Variants in PCOLCE2 observed in about 807,000 individuals in gnomAD.
The protein encoded by PCOLCE2 is procollagen C-proteinase enhancer 2.
In PCOLCE2, 42 loss-of-function variants were observed where a neutral mutation model predicts 47.0. The observed-to-expected ratio is 0.89, with a 90% CI of 0.70 to 1.16. PCOLCE2 has a LOEUF of 1.16. Ranked by LOEUF, PCOLCE2 falls within the 50% of genes most tolerant of loss-of-function variation. The pLI, the probability that PCOLCE2 is intolerant of heterozygous loss-of-function variation, is 0.00. For synonymous variants in PCOLCE2, 169 were observed against 191.7 expected (o/e 0.88, Z 0.98); for missense variants, 500 against 526.1 (o/e 0.95, Z 0.49).
chr3:142,872,434 C>T (rs1288351146), intron 2 of PCOLCE2, among the ~76,000 whole-genome samples: 1 of 152,134 alleles, frequency 6.6e-6, no homozygotes, highest in Non-Finnish European at 1.5e-5. Flanking sequence ...TCTACAACCT[C>T]CTGCTTGTTC....
intron 2 of PCOLCE2, among the ~76,000 whole-genome samples, chr3:142,871,828 A>T (rs976265003): frequency 6.6e-6 from 1 of 152,196 alleles, no homozygotes; most frequent in Non-Finnish European, 1.5e-5. Context: ...ACACATATGT[A>T]CTTGTATTAA....
chr3:142,861,165 T>C (rs1933175813), intron 2 of PCOLCE2, among the ~76,000 whole-genome samples: 1 of 152,254 alleles, frequency 6.6e-6, no homozygotes, highest in Non-Finnish European at 1.5e-5. Context: ...AAGGCTTTGC[T>C]CCACTGCCTT....
At chr3:142,885,374 T>C (rs1933702366) in intron 2 of PCOLCE2, among the ~76,000 whole-genome samples, 1 of 152,208 alleles carries the variant, frequency 6.6e-6, no homozygotes, top group Non-Finnish European at 1.5e-5. Context: ...CTGTGATATT[T>C]TAATAAAAGT....
At chr3:142,869,368 C>G (rs1933340723) in intron 2 of PCOLCE2, among the ~76,000 whole-genome samples, 1 of 151,866 alleles carries the variant, frequency 6.6e-6, no homozygotes, top group Non-Finnish European at 1.5e-5. Flanking sequence ...ATCAACATGA[C>G]AGATAACAGG....
intron 2 of PCOLCE2, among the ~76,000 whole-genome samples, chr3:142,883,522 T>A (rs1021800818): frequency 2.0e-5 from 3 of 151,692 alleles, no homozygotes; most frequent in South Asian, 4.2e-4. Context: ...CAGGCTCAAG[T>A]GATTCCTCTG....
intron 2 of PCOLCE2, among the ~76,000 whole-genome samples, chr3:142,853,714 G>T (rs984483406): frequency 4.6e-5 from 7 of 152,222 alleles, no homozygotes; most frequent in African/African-American, 1.4e-4. Context: ...TATCTTTTTG[G>T]AAACTTTATA....
At position 142,868,202 on chromosome 3, in the gene PCOLCE2, G is replaced by C. The variant is rs919282169; in HGVS notation, c.192+19467C>G. On this transcript the variant is annotated intron_variant, in intron 2 of 8. Coordinates refer to ENST00000295992, the MANE Select transcript of PCOLCE2 (RefSeq NM_013363.4). ...TAACTGTGGCTTCTGCTCTCAAGGA[G>C]AGCACTGTCTAGGACAGTGTTTCTC... Among the ~76,000 whole-genome samples, 22 of 152,250 alleles carry C rather than the reference G, an allele frequency of 1.4e-4. No homozygotes were observed. The South Asian group carries it at 2.9e-3, about 20-fold the overall frequency.
At position 142,882,198 on chromosome 3, in the gene PCOLCE2, T is replaced by TA. The variant is rs1431009205; in HGVS notation, c.192+5470_192+5471insT. 9.6e-5 allele frequency among the ~76,000 whole-genome samples: 11 copies of TA among 115,174 alleles called. 1 individual carries two copies. Among genetic ancestry groups the TA allele is most frequent in the Middle Eastern group, 4.2e-3 (1 of 238 alleles). 75.6% of individuals were successfully genotyped at this position (115,174 alleles called of 152,430 possible). A position where few individuals can be genotyped will look rare whatever the true frequency, so the allele number is the denominator to read the frequency against. On this transcript the variant is annotated intron_variant, in intron 2 of 8. Transcript: ENST00000295992. Reference sequence around the variant, plus strand: ...ATGCATACAACCACTCCTGGCTAATTTAAAAAAAAAAAAATTGCAGAGACA... The same window carrying TA: ...ATGCATACAACCACTCCTGGCTAATTATAAAAAAAAAAAAATTGCAGAGACA...
At position 142,823,567 on chromosome 3, in the gene PCOLCE2, C is replaced by T. The variant is rs1347780534; in HGVS notation, c.914G>A (p.Gly305Glu). ...TGAACAATAATTGCCCTCCAGAGTC[C>T]CCGTCCGTCTACACTTTTGTTGACA... ...ALCQQKCRRTGTLEGNYCSSD... is the reference protein window; with the variant it reads ...ALCQQKCRRTETLEGNYCSSD... Residue 305 changes from glycine to glutamate, a missense_variant, in exon 7 of 9, where the codon GGG (glycine) becomes GAG (glutamate). Coordinates refer to ENST00000295992, the MANE Select transcript of PCOLCE2 (RefSeq NM_013363.4). The T allele has an allele frequency of 4.8e-5, 77 of 1,610,956 alleles. No homozygotes were observed. Among genetic ancestry groups the T allele is most frequent in the Non-Finnish European group, 6.3e-5 (74 of 1,177,462 alleles).
intron 8 of PCOLCE2, 142 bp downstream of exon 8, chr3:142,820,736 G>C (rs752509294): frequency 9.8e-6 from 6 of 613,968 alleles, no homozygotes; most frequent in African/African-American, 1.8e-5. Context: ...TTGGATGAGA[G>C]CCCAATTCTG....
chr3:142,835,815 T>A (rs36088833), intron 5 of PCOLCE2, among the ~76,000 whole-genome samples: 70,191 of 151,848 alleles, frequency 0.46, 16,777 homozygotes, highest in African/African-American at 0.51. Flanking sequence ...TTAATTTTTT[T>A]AAAAAAATTT....
At chr3:142,846,627 A>G (rs1937330996) in intron 3 of PCOLCE2, 1 of 152,148 alleles carries the variant, frequency 6.6e-6, no homozygotes, top group Non-Finnish European at 1.5e-5. Context: ...ACCACTTGAT[A>G]TTGTCTCACT....
chr3:142,823,570 GT>G lies in PCOLCE2; in HGVS notation c.910del (p.Thr304ArgfsTer15). ...ACAATAATTGCCCTCCAGAGTCCCC[GT>G]CCGTCTACACTTTTGTTGACACAAG... The part of the protein sequence containing the change: ...VALCQQKCRR[T>X]GTLEGNYCSS... On this transcript the variant is annotated frameshift_variant, in exon 7 of 9. Coordinates refer to ENST00000295992, the MANE Select transcript of PCOLCE2 (RefSeq NM_013363.4). LOFTEE classifies it high-confidence loss of function. 6.2e-7 allele frequency: 1 copy of G among 1,610,874 alleles called. No individual in the cohort carries two copies. Among genetic ancestry groups the G allele is most frequent in the Admixed American group, 1.7e-5 (1 of 59,880 alleles).
At chr3:142,838,028 C>T (rs746909999) in intron 5 of PCOLCE2, among the ~76,000 whole-genome samples, 3 of 152,146 alleles carry the variant, frequency 2.0e-5, no homozygotes, top group Non-Finnish European at 4.4e-5. Flanking sequence ...CAGTATTAAG[C>T]CCCCTGGTTG....
At chr3:142,840,809 C>T (rs1350244437) in intron 4 of PCOLCE2, among the ~76,000 whole-genome samples, 1 of 152,298 alleles carries the variant, frequency 6.6e-6, no homozygotes, top group East Asian at 1.9e-4. Flanking sequence ...GGCGTGGTGG[C>T]TCACGCCTGT....
chr3:142,834,796 G>A (rs1937184800), intron 5 of PCOLCE2, among the ~76,000 whole-genome samples: 1 of 151,702 alleles, frequency 6.6e-6, no homozygotes, highest in Non-Finnish European at 1.5e-5. Context: ...TTCTTGTACT[G>A]TCCTTACCTT....
At chr3:142,845,303 G>A (rs1937313472) in intron 3 of PCOLCE2, among the ~76,000 whole-genome samples, 1 of 152,086 alleles carries the variant, frequency 6.6e-6, no homozygotes, top group Non-Finnish European at 1.5e-5. Flanking sequence ...ATATGTATGT[G>A]CAACAGTGTA....
rs149924731 is a variant in PCOLCE2 at position 142,841,241 on chromosome 3, T to C, written c.573+1683A>G. 7.2e-5 allele frequency among the ~76,000 whole-genome samples: 11 copies of C among 152,314 alleles called. No homozygotes were observed. In the East Asian group the frequency reaches 2.1e-3, roughly 29 times the overall value. On this transcript the variant is annotated intron_variant, in intron 4 of 8. Coordinates refer to ENST00000295992, the MANE Select transcript of PCOLCE2 (RefSeq NM_013363.4). ...CCTTCAATACAATAATTCCCTTGCA[T>C]AGAAACTATTTAGGACTTAATTTTC...
chr3:142,834,196 T>A (rs1382056278), intron 5 of PCOLCE2, among the ~76,000 whole-genome samples: 5 of 152,186 alleles, frequency 3.3e-5, no homozygotes, highest in African/African-American at 1.2e-4. Context: ...TTACAACAGC[T>A]TTCTGATAAG....
Sources: gnomAD v4.1 joint callset for allele counts (sites outside exome capture counted in the v4.1 genomes callset) on GRCh38, gnomAD v4.1.1 for gene constraint, MANE v1.5 for transcripts, NCBI Gene and HGNC (gene_info 2026-07-23, HGNC 2026-07-21) for gene names.